The following ABCC1 variants were observed in gnomAD, a reference collection of about 807,000 sequenced individuals.
The protein encoded by ABCC1 is ATP binding cassette subfamily C member 1 (ABCC1 blood group), also known as multidrug resistance-associated protein 1.
Under a neutral mutation model 172.9 loss-of-function variants are expected in ABCC1, and 83 were observed. The ratio of observed to expected loss-of-function variants is 0.48; its 90% CI spans 0.40 to 0.58. The LOEUF (loss-of-function observed/expected upper bound fraction) is 0.58, where lower values mean the gene tolerates loss of function less well. Ranked by LOEUF, ABCC1 falls within the 20% of genes least tolerant of loss-of-function variation. The probability of loss-of-function intolerance (pLI) is 0.00; values close to 1 mark genes in which losing one functional copy is unlikely to be tolerated. For missense variants in ABCC1, 1,817 were observed against 2,002.7 expected, an observed-to-expected ratio of 0.91 and a Z score of 1.77; for synonymous variants, 937 against 825.2, an observed-to-expected ratio of 1.14 and a Z score of -2.32.
Position 16,044,536 on chromosome 16 carries a change from C to T in ABCC1, c.896C>T (p.Ala299Val). The part of the protein sequence containing the change: ...SKVDANEEVE[A>V]LIVKSPQKEW... ...GTGGATGCGAATGAGGAGGTGGAGG[C>T]TTTGATCGTCAAGTCCCCACAGAAG... is the stretch of plus-strand genomic sequence containing the variant. The change falls in exon 8 of 31, where the codon GCT (alanine) becomes GTT (valine). Residue 299 changes from alanine to valine, a missense_variant. By Grantham distance (64) the Ala-to-Val change is moderately conservative. Transcript: ENST00000399410. 1 of 1,614,152 alleles carries T rather than the reference C, an allele frequency of 6.2e-7. No homozygotes were observed. Among genetic ancestry groups the T allele is most frequent in the Non-Finnish European group, 8.5e-7 (1 of 1,180,022 alleles).
chr16:16,128,128 A>G (rs186564274), intron 26 of ABCC1, among the ~76,000 whole-genome samples: 47 of 151,252 alleles, frequency 3.1e-4, no homozygotes, highest in African/African-American at 1.1e-3. Context: ...TTGACATGTG[A>G]ATTTCACATG....
At chr16:16,076,819 T>C (rs1481703751) in intron 15 of ABCC1, among the ~76,000 whole-genome samples, 1 of 152,182 alleles carries the variant, frequency 6.6e-6, no homozygotes, top group Admixed American at 6.5e-5. Context: ...TGATGGTAAA[T>C]GGTCCCAACA....
chr16:16,042,957 G>A (rs2049034663), intron 7 of ABCC1, among the ~76,000 whole-genome samples: 1 of 151,914 alleles, frequency 6.6e-6, no homozygotes, highest in Admixed American at 6.6e-5. Context: ...CTCCTCCTGA[G>A]TTCAAGCGAT....
At chr16:16,058,310 C>T (rs1164425972) in intron 12 of ABCC1, among the ~76,000 whole-genome samples, 1 of 152,280 alleles carries the variant, frequency 6.6e-6, no homozygotes, top group East Asian at 1.9e-4. Flanking sequence ...TTTTTATTAA[C>T]TGTGTCATTC....
chr16:16,048,024 G>C, intron 9 of ABCC1, 118 bp from the exon 10 acceptor site: 1 of 1,296,414 alleles, frequency 7.7e-7, no homozygotes, highest in Non-Finnish European at 1.1e-6. Flanking sequence ...GAGGGGAGGA[G>C]GAGAGATCTG....
Position 16,125,875 on chromosome 16 carries a change from G to C in ABCC1, c.3783G>C (p.Val1261=). Residue 1261 remains valine, a synonymous_variant, in exon 26 of 31, where the codon GTG becomes GTC. Coordinates refer to ENST00000399410, the MANE Select transcript of ABCC1 (RefSeq NM_004996.4). Reference sequence around the variant, plus strand: ...AAATGGAAACCAACATCGTGGCCGTGGAGAGGCTCAAGGAGTATTCAGAGA... The same window carrying C: ...AAATGGAAACCAACATCGTGGCCGTCGAGAGGCTCAAGGAGTATTCAGAGA... The part of the protein sequence containing the change: ...SSEMETNIVA[V]ERLKEYSETE... The C allele has an allele frequency of 6.2e-7, 1 of 1,614,096 alleles. No homozygotes were observed. Among genetic ancestry groups the C allele is most frequent in the East Asian group, 2.2e-5 (1 of 44,878 alleles).
chr16:16,027,884 T>C (rs546770364), intron 5 of ABCC1, among the ~76,000 whole-genome samples: 5 of 152,286 alleles, frequency 3.3e-5, no homozygotes, highest in East Asian at 1.9e-4. Flanking sequence ...TCTATTATTA[T>C]TACTACTACT....
intron 13 of ABCC1, among the ~76,000 whole-genome samples, chr16:16,069,430 A>C (rs2151953081): frequency 6.6e-6 from 1 of 151,958 alleles, no homozygotes; most frequent in South Asian, 2.1e-4. Context: ...AGAATCTCTA[A>C]AATTCCTGCC....
At chr16:15,975,144 T>G (rs1200297932) in intron 1 of ABCC1, among the ~76,000 whole-genome samples, 1 of 152,204 alleles carries the variant, frequency 6.6e-6, no homozygotes, top group Non-Finnish European at 1.5e-5. Context: ...CCTGCTGTAT[T>G]TCTCGTTCTG....
intron 12 of ABCC1, among the ~76,000 whole-genome samples, chr16:16,059,921 G>A (rs995360631): frequency 6.7e-5 from 10 of 150,264 alleles, no homozygotes; most frequent in Admixed American, 2.7e-4. Flanking sequence ...GTTTGAACCC[G>A]GGAGGCGGAG....
chr16:15,996,953 C>T (rs1044609311), intron 1 of ABCC1, among the ~76,000 whole-genome samples: 7 of 152,196 alleles, frequency 4.6e-5, no homozygotes, highest in African/African-American at 7.2e-5. Context: ...AGGGGCCACT[C>T]GGACTTGGAC....
chr16:16,106,345 C>T (rs538083902), intron 20 of ABCC1, among the ~76,000 whole-genome samples: 1 of 146,618 alleles, frequency 6.8e-6, no homozygotes, highest in Non-Finnish European at 1.5e-5. Context: ...GAAAAATGAT[C>T]TACGATGTGC....
intron 1 of ABCC1, among the ~76,000 whole-genome samples, chr16:15,961,528 C>T (rs1010972794): frequency 2.6e-4 from 40 of 151,974 alleles, no homozygotes; most frequent in African/African-American, 9.0e-4. Flanking sequence ...CAGAAGTAGC[C>T]GTTATTGATG....
intron 1 of ABCC1, among the ~76,000 whole-genome samples, chr16:15,975,961 A>G (rs1363478505): frequency 1.3e-5 from 2 of 152,122 alleles, no homozygotes; most frequent in South Asian, 2.1e-4. Flanking sequence ...TAGGAGAGAA[A>G]GAGACACTTA....
chr16:16,130,254 G>T (rs1018439719), intron 26 of ABCC1, among the ~76,000 whole-genome samples: 1 of 152,198 alleles, frequency 6.6e-6, no homozygotes, highest in Non-Finnish European at 1.5e-5. Flanking sequence ...GGGGTGGGCA[G>T]CCAGGGTAAC....
intron 18 of ABCC1, among the ~76,000 whole-genome samples, chr16:16,088,311 G>A (rs2051100403): frequency 6.6e-6 from 1 of 152,108 alleles, no homozygotes; most frequent in Non-Finnish European, 1.5e-5. Context: ...CGAGTGTGGT[G>A]ATGCATGGCT....
chr16:16,136,498 T>C lies in ABCC1; in HGVS notation c.4146T>C (p.Gly1382=). The stretch of plus-strand genomic sequence containing the variant: ...AACAGGACCCTGTTTTGTTTTCGGG[T>C]TCCCTCCGAATGAACCTGGACCCAT... ...IIPQDPVLFS[G]SLRMNLDPFS... The change falls in exon 29 of 31, where the codon GGT becomes GGC. Residue 1382 remains glycine (G), a synonymous_variant. Coordinates refer to ENST00000399410, the MANE Select transcript of ABCC1 (RefSeq NM_004996.4). 2 of 1,614,128 alleles carry C rather than the reference T, an allele frequency of 1.2e-6. No individual in the cohort carries two copies. Among genetic ancestry groups the C allele is most frequent in the Non-Finnish European group, 1.7e-6 (2 of 1,180,016 alleles).
chr16:16,056,249 A>C lies in ABCC1; in HGVS notation c.1631A>C (p.Tyr544Ser). Reference sequence around the variant, plus strand: ...CTGAAGGTGCTGAAGAAGTCTGCCTACCTGTCAGCCGTGGGCACCTTCACC... The same window carrying C: ...CTGAAGGTGCTGAAGAAGTCTGCCTCCCTGTCAGCCGTGGGCACCTTCACC... ...EELKVLKKSAYLSAVGTFTWV... is the reference protein window; with the variant it reads ...EELKVLKKSASLSAVGTFTWV... Residue 544 changes from tyrosine to serine, a missense_variant, in exon 12 of 31, where the codon TAC becomes TCC. This residue lies in a region of ABCC1 where 1,412 missense variants were observed against 1,600.3 expected (regional missense o/e 0.88). Transcript: ENST00000399410. 4 of 1,614,226 alleles carry C rather than the reference A, an allele frequency of 2.5e-6. No homozygotes were observed. The highest frequency in any genetic ancestry group is 1.1e-5 in the South Asian group (1 of 91,086).
intron 19 of ABCC1, chr16:16,098,741 C>A: frequency 1.3e-6 from 1 of 758,034 alleles, no homozygotes; most frequent in Non-Finnish European, 2.1e-6. Context: ...ACAAATGGAG[C>A]AGACCCTTCA....
Sources: allele counts gnomAD v4.1 joint callset (sites outside exome capture counted in the v4.1 genomes callset), GRCh38; gene constraint gnomAD v4.1.1; regional missense constraint gnomAD v4.1.1; transcripts MANE v1.5; gene names NCBI Gene and HGNC (gene_info 2026-07-23, HGNC 2026-07-21).